Variants in CTNNA3 observed in about 807,000 individuals in gnomAD.
CTNNA3 encodes catenin alpha-3.
A neutral mutation model predicts 95.7 loss-of-function variants in CTNNA3; 76 were observed. That is an observed-to-expected ratio of 0.79 (90% confidence interval 0.66 to 0.96). The LOEUF (loss-of-function observed/expected upper bound fraction) is 0.96, where lower values mean the gene tolerates loss of function less well. Ranked by LOEUF, CTNNA3 falls within the 40% of genes least tolerant of loss-of-function variation. The pLI, the probability that CTNNA3 is intolerant of heterozygous loss-of-function variation, is 0.00. For missense variants in CTNNA3, 1,191 were observed against 1,089.8 expected (o/e 1.09, Z -1.31); for synonymous variants, 431 against 374.4 (o/e 1.15, Z -1.74).
rs145264613 is a variant in CTNNA3 at position 65,914,579 on chromosome 10, C to T, written c.*5751G>A. 1 of 152,208 alleles carries T rather than the reference C, an allele frequency of 6.6e-6. No individual in the cohort carries two copies. Among genetic ancestry groups the T allele is most frequent in the African/African-American group, 2.4e-5 (1 of 41,540 alleles). 9.4% of individuals were successfully genotyped at this position (152,208 alleles called of 1,614,324 possible). ...TGGGTAAATTTCAAATACAGGGAAA[C>T]TTTATCCTACTACAATAATCCTTGG... On this transcript the variant is annotated 3_prime_UTR_variant, in exon 18 of 18. Transcript: ENST00000433211.
intron 15 of CTNNA3, among the ~76,000 whole-genome samples, chr10:66,022,399 T>C (rs1245866091): frequency 6.6e-6 from 1 of 152,188 alleles, no homozygotes; most frequent in East Asian, 1.9e-4. Context: ...TTTGCTTTGA[T>C]GAAAGGCAAT....
At chr10:67,116,225 C>G (rs775215535) in intron 7 of CTNNA3, among the ~76,000 whole-genome samples, 6 of 152,088 alleles carry the variant, frequency 3.9e-5, no homozygotes, top group Middle Eastern at 3.4e-3. Flanking sequence ...AATCATGAAC[C>G]TGAAATACAT....
chr10:66,829,811 G>A (rs1170424363), intron 7 of CTNNA3, among the ~76,000 whole-genome samples: 3 of 151,916 alleles, frequency 2.0e-5, no homozygotes, highest in African/African-American at 7.3e-5. Context: ...GAAACTATGA[G>A]GATAGGCCAG....
chr10:67,514,325 C>A (rs546798270), intron 5 of CTNNA3, among the ~76,000 whole-genome samples: 3 of 152,144 alleles, frequency 2.0e-5, no homozygotes, highest in African/African-American at 7.2e-5. Context: ...TAAAATAAAA[C>A]AGTTAGGTTA....
chr10:67,426,575 A>G (rs1036188081), intron 5 of CTNNA3, among the ~76,000 whole-genome samples: 2 of 152,094 alleles, frequency 1.3e-5, no homozygotes, highest in African/African-American at 4.8e-5. Context: ...CAAACACCGC[A>G]TGTTCTCACT....
intron 3 of CTNNA3, among the ~76,000 whole-genome samples, chr10:67,602,618 CTT>C (rs754830386): frequency 4.8e-4 from 73 of 152,318 alleles, no homozygotes; most frequent in Non-Finnish European, 8.7e-4. Flanking sequence ...CAAGACTTCT[CTT>C]TGAGAACTTC....
intron 11 of CTNNA3, among the ~76,000 whole-genome samples, chr10:66,394,635 T>C (rs1427694779): frequency 6.6e-6 from 1 of 151,584 alleles, no homozygotes; most frequent in Non-Finnish European, 1.5e-5. Context: ...GAACAGACAG[T>C]AGTGAGCAAT....
chr10:66,896,046 G>A (rs1026378716), intron 7 of CTNNA3, among the ~76,000 whole-genome samples: 13 of 151,930 alleles, frequency 8.6e-5, no homozygotes, highest in African/African-American at 2.4e-5. Context: ...GTGGTGAGCC[G>A]AGATTGCGCC....
chr10:67,719,186 T>G (rs1419272409), intron 1 of CTNNA3, among the ~76,000 whole-genome samples: 1 of 152,158 alleles, frequency 6.6e-6, no homozygotes, highest in Non-Finnish European at 1.5e-5. Context: ...TATTTCATTC[T>G]TCTCTCTGTT....
At chr10:67,583,636 T>C (rs927588922) in intron 3 of CTNNA3, among the ~76,000 whole-genome samples, 11 of 152,222 alleles carry the variant, frequency 7.2e-5, no homozygotes, top group Non-Finnish European at 1.3e-4. Flanking sequence ...TTCTCCTGGA[T>C]AATATCCTGA....
intron 5 of CTNNA3, among the ~76,000 whole-genome samples, chr10:67,510,949 T>C (rs1420234715): frequency 6.6e-6 from 1 of 152,172 alleles, no homozygotes; most frequent in African/African-American, 2.4e-5. Flanking sequence ...ATTCTCTTTG[T>C]AGTAATTGTG....
chr10:67,311,210 A>G (rs1193787332), intron 5 of CTNNA3, among the ~76,000 whole-genome samples: 2 of 152,204 alleles, frequency 1.3e-5, no homozygotes. Flanking sequence ...GTAGACTTAT[A>G]TAGCAGAAAA....
chr10:67,750,219 C>T (rs1279098210), intron 1 of CTNNA3: 1 of 1,447,412 alleles, frequency 6.9e-7, no homozygotes, highest in African/African-American at 1.4e-5. Flanking sequence ...CTGGAAGGAA[C>T]CAACTCTGGA....
chr10:66,360,870 TTTTC>T (rs1457021336), intron 12 of CTNNA3, among the ~76,000 whole-genome samples: 8 of 140,982 alleles, frequency 5.7e-5, no homozygotes, highest in East Asian at 2.1e-4. Context: ...TTCTCTTTCT[TTTTC>T]TTTCTTTCTT....
intron 5 of CTNNA3, among the ~76,000 whole-genome samples, chr10:67,382,924 A>C (rs1844003564): frequency 6.6e-6 from 1 of 152,136 alleles, no homozygotes; most frequent in Admixed American, 6.5e-5. Context: ...AGACTGTATC[A>C]AGCCATTCAT....
At chr10:67,754,569 A>C (rs887121113) in intron 1 of CTNNA3, among the ~76,000 whole-genome samples, 3 of 152,212 alleles carry the variant, frequency 2.0e-5, no homozygotes, top group Non-Finnish European at 4.4e-5. Context: ...ACCTGAAACT[A>C]TGAAACTAGT....
chr10:67,494,950 A>T (rs1398697172), intron 5 of CTNNA3, among the ~76,000 whole-genome samples: 1 of 152,246 alleles, frequency 6.6e-6, no homozygotes, highest in Non-Finnish European at 1.5e-5. Context: ...ACTTTCAAAA[A>T]GAATAAATAT....
chr10:66,657,180 A>G (rs763986791), intron 9 of CTNNA3, among the ~76,000 whole-genome samples: 10 of 152,242 alleles, frequency 6.6e-5, no homozygotes, highest in African/African-American at 1.2e-4. Context: ...GGTTCATGCC[A>G]TATTTTATTT....
At chr10:65,984,734 G>C (rs1251480562) in intron 16 of CTNNA3, among the ~76,000 whole-genome samples, 1 of 151,150 alleles carries the variant, frequency 6.6e-6, no homozygotes, top group South Asian at 2.1e-4. Flanking sequence ...TTGAAAACTG[G>C]GTGTTTCAAA....
Sources: gnomAD v4.1 joint callset for allele counts (sites outside exome capture counted in the v4.1 genomes callset) on GRCh38, gnomAD v4.1.1 for gene constraint, MANE v1.5 for transcripts, NCBI Gene and HGNC (gene_info 2026-07-23, HGNC 2026-07-21) for gene names.